CSMD3: variants seen among roughly 807,000 people sequenced by gnomAD.
CSMD3 encodes the protein CUB and Sushi multiple domains 3, also known as CUB and sushi domain-containing protein 3.
A neutral mutation model predicts 435.2 loss-of-function variants in CSMD3; 177 were observed. The observed-to-expected ratio is 0.41, with a 90% confidence interval of 0.36 to 0.46. The LOEUF (loss-of-function observed/expected upper bound fraction) is 0.46. Among genes scored for constraint, CSMD3 ranks in the 20% least tolerant of loss-of-function variants. The pLI, the probability that CSMD3 is intolerant of heterozygous loss-of-function variation, is 0.34. For synonymous variants in CSMD3, 1,656 were observed against 1,520.5 expected (o/e 1.09, Z -2.07); for missense variants, 4,265 against 4,504.6 (o/e 0.95, Z 1.52).
intron 7 of CSMD3, among the ~76,000 whole-genome samples, chr8:112,962,219 T>C (rs2084258297): frequency 6.6e-6 from 1 of 151,886 alleles, no homozygotes; most frequent in South Asian, 2.1e-4. Flanking sequence ...TCTTTTGTTT[T>C]GTTTCTAATT....
At chr8:112,742,488 G>A (rs75227589) in intron 13 of CSMD3, among the ~76,000 whole-genome samples, 3,621 of 151,760 alleles carry the variant, frequency 0.024, 77 homozygotes, top group East Asian at 0.074. Flanking sequence ...ATGAGAGTGC[G>A]ATCTGTACAA....
chr8:112,237,213 C>T lies in CSMD3; in HGVS notation c.10604G>A (p.Ser3535Asn). 1 of 1,613,590 alleles carries T rather than the reference C, an allele frequency of 6.2e-7. No homozygotes were observed. The highest frequency in any genetic ancestry group is 8.5e-7 in the Non-Finnish European group (1 of 1,179,632). ...ACCTGAAAGTAGCAGCTCCATGTTG[C>T]TATTGCTCAGTGTTGCGTTAACTCT... ...TGRVNATLSN[S>N]NMELLLSGVY... Residue 3535 changes from serine (S) to asparagine (N), a missense_variant, in exon 67 of 71, where the codon AGC becomes AAC. Ser to Asn is a conservative substitution (Grantham distance 46, BLOSUM62 1). Transcript: ENST00000297405.
intron 7 of CSMD3, among the ~76,000 whole-genome samples, chr8:112,969,027 T>C (rs1425734007): frequency 6.6e-6 from 1 of 151,964 alleles, no homozygotes; most frequent in Non-Finnish European, 1.5e-5. Flanking sequence ...CATAATAATA[T>C]AGCCTATTAG....
chr8:112,547,321 C>T (rs890984723), intron 27 of CSMD3, among the ~76,000 whole-genome samples: 7 of 151,696 alleles, frequency 4.6e-5, no homozygotes, highest in East Asian at 1.9e-4. Context: ...TATTTGGGGG[C>T]GCAAAGGCAC....
chr8:112,275,501 T>TA, intron 59 of CSMD3, among the ~76,000 whole-genome samples: 1 of 151,942 alleles, frequency 6.6e-6, no homozygotes, highest in African/African-American at 2.4e-5. Context: ...GAGCCAAAAT[T>TA]GCACCATTGC....
At chr8:112,233,908 T>G (rs1339890371) in intron 68 of CSMD3, among the ~76,000 whole-genome samples, 1 of 152,192 alleles carries the variant, frequency 6.6e-6, no homozygotes, top group African/African-American at 2.4e-5. Flanking sequence ...AATTCATGCT[T>G]CAATATAATG....
intron 3 of CSMD3, among the ~76,000 whole-genome samples, chr8:113,266,148 T>TA (rs1168113857): frequency 2.0e-5 from 3 of 147,174 alleles, no homozygotes; most frequent in Non-Finnish European, 4.5e-5. Flanking sequence ...CTTAGATTTT[T>TA]AAAGCTTAGT....
At chr8:113,387,525 C>T (rs955636720) in intron 1 of CSMD3, among the ~76,000 whole-genome samples, 6 of 151,570 alleles carry the variant, frequency 4.0e-5, no homozygotes, top group Non-Finnish European at 5.9e-5. Flanking sequence ...CAGTGAAGAA[C>T]AGAAACAAGG....
intron 32 of CSMD3, among the ~76,000 whole-genome samples, chr8:112,462,800 G>T (rs1817583889): frequency 6.6e-6 from 1 of 152,060 alleles, no homozygotes; most frequent in African/African-American, 2.4e-5. Flanking sequence ...CCTCATATCT[G>T]GGCAAGCTGA....
At chr8:113,236,779 C>T (rs549467776) in intron 3 of CSMD3, among the ~76,000 whole-genome samples, 1 of 152,236 alleles carries the variant, frequency 6.6e-6, no homozygotes, top group African/African-American at 2.4e-5. Flanking sequence ...TAGTGTGAGC[C>T]AATTCCTCTA....
intron 5 of CSMD3, among the ~76,000 whole-genome samples, chr8:113,071,070 T>C (rs747627332): frequency 7.9e-5 from 12 of 152,134 alleles, no homozygotes; most frequent in South Asian, 6.2e-4. Flanking sequence ...TGGTGAGTAG[T>C]GATGTCGAGT....
At chr8:112,438,007 TC>T (rs1814567678) in intron 32 of CSMD3, among the ~76,000 whole-genome samples, 3 of 152,222 alleles carry the variant, frequency 2.0e-5, no homozygotes, top group African/African-American at 7.2e-5. Context: ...TTATTAACCC[TC>T]GAAGGGCAGA....
At chr8:113,248,845 A>T in intron 3 of CSMD3, among the ~76,000 whole-genome samples, 1 of 151,936 alleles carries the variant, frequency 6.6e-6, no homozygotes, top group South Asian at 2.1e-4. Context: ...ACTTTCTAAA[A>T]ACAGCTTAAT....
intron 10 of CSMD3, among the ~76,000 whole-genome samples, chr8:112,863,107 A>T (rs2080871990): frequency 1.3e-5 from 2 of 151,902 alleles, no homozygotes; most frequent in Non-Finnish European, 2.9e-5. Context: ...ACTAATATTA[A>T]CCCTTTTATA....
At chr8:112,930,622 A>G (rs113065197) in intron 9 of CSMD3, among the ~76,000 whole-genome samples, 1 of 152,134 alleles carries the variant, frequency 6.6e-6, no homozygotes, top group African/African-American at 2.4e-5. Flanking sequence ...TTAAAAATTT[A>G]TATTTGAATA....
At chr8:113,358,701 T>C (rs891190929) in intron 1 of CSMD3, among the ~76,000 whole-genome samples, 4 of 152,160 alleles carry the variant, frequency 2.6e-5, no homozygotes, top group Non-Finnish European at 5.9e-5. Flanking sequence ...TTCTCAATGA[T>C]TAATGATGGC....
intron 5 of CSMD3, among the ~76,000 whole-genome samples, chr8:113,047,410 G>A (rs926057232): frequency 6.6e-5 from 10 of 152,118 alleles, no homozygotes; most frequent in Non-Finnish European, 1.2e-4. Context: ...TTTTATGGAA[G>A]TCCAAAACAA....
intron 11 of CSMD3, among the ~76,000 whole-genome samples, chr8:112,831,437 C>A (rs767518323): frequency 2.3e-4 from 35 of 151,182 alleles, no homozygotes; most frequent in Non-Finnish European, 3.8e-4. Flanking sequence ...GTAATAACAG[C>A]AAAAATTCAT....
chr8:113,195,814 TACACACACAC>T (rs1015240509), intron 3 of CSMD3, among the ~76,000 whole-genome samples: 4 of 133,446 alleles, frequency 3.0e-5, no homozygotes, highest in South Asian at 4.8e-4. Flanking sequence ...TATATATATA[TACACACACAC>T]ACACACACAC....
Sources: gnomAD v4.1 joint callset for allele counts (sites outside exome capture counted in the v4.1 genomes callset) on GRCh38, gnomAD v4.1.1 for gene constraint, MANE v1.5 for transcripts, NCBI Gene and HGNC (gene_info 2026-07-23, HGNC 2026-07-21) for gene names.